Variants in DLGAP2 observed in about 807,000 individuals in gnomAD.
The protein encoded by DLGAP2 is disks large-associated protein 2.
In DLGAP2, 26 loss-of-function variants were observed where a neutral mutation model predicts 100.3. That is an observed-to-expected ratio of 0.26 (90% CI 0.19 to 0.36). The LOEUF (loss-of-function observed/expected upper bound fraction) is 0.36, where lower values mean the gene tolerates loss of function less well. DLGAP2 is among the 10% of genes least tolerant of loss of function. The pLI, the probability that DLGAP2 is intolerant of heterozygous loss-of-function variation, is 1.00. For missense variants in DLGAP2, 1,858 were observed against 1,453.2 expected, an observed-to-expected ratio of 1.28 and a Z score of -4.53; for synonymous variants, 886 against 630.1, an observed-to-expected ratio of 1.41 and a Z score of -6.08.
intron 2 of DLGAP2, among the ~76,000 whole-genome samples, chr8:1,251,913 G>A (rs530080786): frequency 5.9e-5 from 9 of 152,364 alleles, no homozygotes; most frequent in South Asian, 2.1e-4. Flanking sequence ...GTGTTATCAC[G>A]TGGGCCTGTT....
intron 3 of DLGAP2, among the ~76,000 whole-genome samples, chr8:1,375,314 A>G (rs1802364838): frequency 2.0e-5 from 1 of 50,316 alleles, no homozygotes; most frequent in Non-Finnish European, 3.4e-5. Flanking sequence ...CTCAGAACTG[A>G]GCCCCCACCT....
rs1173304553 is a variant in DLGAP2, at chr8:1,706,097, C to G, written c.*4691C>G. 1.3e-5 allele frequency: 2 copies of G among 152,182 alleles called. No individual in the cohort carries two copies. Among genetic ancestry groups the G allele is most frequent in the African/African-American group, 4.8e-5 (2 of 41,446 alleles). 9.4% of individuals were successfully genotyped at this position (152,182 alleles called of 1,614,324 possible). ...TACATTGTTGGCCATAAACAAAGTG[C>G]TAAAGGAAAGGGTTTGCTTCTACAC... On this transcript the variant is annotated 3_prime_UTR_variant, in exon 15 of 15. Coordinates refer to ENST00000637795, the MANE Select transcript of DLGAP2 (RefSeq NM_001346810.2).
chr8:1,243,958 C>T (rs932473591), intron 2 of DLGAP2, among the ~76,000 whole-genome samples: 2 of 152,184 alleles, frequency 1.3e-5, no homozygotes, highest in African/African-American at 4.8e-5. Context: ...CCTTCCAGCT[C>T]CCAGCCTCCG....
chr8:1,131,660 A>G (rs1185203734), intron 2 of DLGAP2, among the ~76,000 whole-genome samples: 1 of 150,960 alleles, frequency 6.6e-6, no homozygotes, highest in Admixed American at 6.6e-5. Flanking sequence ...GCTGTTCCAC[A>G]TTAGGTGAGA....
intron 2 of DLGAP2, among the ~76,000 whole-genome samples, chr8:1,132,319 T>G (rs929768060): frequency 6.6e-6 from 1 of 152,200 alleles, no homozygotes; most frequent in African/African-American, 2.4e-5. Context: ...AGATAAAAAC[T>G]AGACTACCTG....
chr8:1,251,273 C>T (rs1209401148), intron 2 of DLGAP2, among the ~76,000 whole-genome samples: 1 of 152,164 alleles, frequency 6.6e-6, no homozygotes, highest in Non-Finnish European at 1.5e-5. Context: ...TATCTCCTAG[C>T]ATAGTACCTG....
intron 2 of DLGAP2, among the ~76,000 whole-genome samples, chr8:1,091,846 C>A (rs1804193111): frequency 6.6e-6 from 1 of 151,978 alleles, no homozygotes; most frequent in South Asian, 2.1e-4. Flanking sequence ...CCCACACCTG[C>A]CTTCCCCCTT....
intron 2 of DLGAP2, among the ~76,000 whole-genome samples, chr8:1,114,407 T>A (rs999356963): frequency 2.6e-5 from 4 of 152,202 alleles, no homozygotes; most frequent in African/African-American, 7.2e-5. Context: ...GGAATCAGCT[T>A]CTTCCTGGTT....
chr8:920,780 G>A (rs963731116), intron 2 of DLGAP2, among the ~76,000 whole-genome samples: 5 of 152,122 alleles, frequency 3.3e-5, no homozygotes, highest in Non-Finnish European at 5.9e-5. Flanking sequence ...GCGGAACCCT[G>A]TCTCAAAAGA....
At chr8:1,592,229 C>G (rs1005355853) in intron 6 of DLGAP2, among the ~76,000 whole-genome samples, 1 of 152,206 alleles carries the variant, frequency 6.6e-6, no homozygotes, top group Non-Finnish European at 1.5e-5. Flanking sequence ...TCACATTTAC[C>G]AAGATCCTTC....
At chr8:1,231,916 A>G (rs958387557) in intron 2 of DLGAP2, among the ~76,000 whole-genome samples, 4 of 152,218 alleles carry the variant, frequency 2.6e-5, no homozygotes, top group Non-Finnish European at 5.9e-5. Flanking sequence ...CAATAGACCC[A>G]GGTAACAAAC....
chr8:1,070,961 C>T (rs1052148299), intron 2 of DLGAP2, among the ~76,000 whole-genome samples: 5 of 152,192 alleles, frequency 3.3e-5, no homozygotes, highest in African/African-American at 9.7e-5. Flanking sequence ...GCCTGTGTTC[C>T]GATGGCTGCT....
At chr8:1,575,582 T>G (rs1802934451) in intron 6 of DLGAP2, among the ~76,000 whole-genome samples, 2 of 150,094 alleles carry the variant, frequency 1.3e-5, no homozygotes, top group Non-Finnish European at 3.0e-5. Context: ...ACTCGTCATT[T>G]ACATTAGATA....
rs539978407 is a variant in DLGAP2 at position 836,361 on chromosome 8, C to T, written c.19-71551C>T. On this transcript the variant is annotated intron_variant, in intron 1 of 14. Coordinates refer to ENST00000637795, the MANE Select transcript of DLGAP2 (RefSeq NM_001346810.2). ...TCCTGGGCCCTGCCTTGCGGGCGTC[C>T]GTGGGATAGCAGGTCTTGGGGCGCT... Among the ~76,000 whole-genome samples, 30 of 152,298 alleles carry T rather than the reference C, an allele frequency of 2.0e-4. No individual in the cohort carries two copies. In the East Asian group the frequency reaches 5.2e-3, roughly 26 times the overall value.
At chr8:1,067,947 C>T (rs1020258222) in intron 2 of DLGAP2, among the ~76,000 whole-genome samples, 1 of 152,274 alleles carries the variant, frequency 6.6e-6, no homozygotes, top group Admixed American at 6.5e-5. Context: ...ATCCCCTCTG[C>T]TCCGCCCACT....
chr8:815,058 G>C (rs931206272), intron 1 of DLGAP2, among the ~76,000 whole-genome samples: 1 of 152,098 alleles, frequency 6.6e-6, no homozygotes, highest in African/African-American at 2.4e-5. Flanking sequence ...CAAAAAAGTA[G>C]ATCATTAGAA....
chr8:1,029,622 T>A (rs567218220), intron 2 of DLGAP2, among the ~76,000 whole-genome samples: 1 of 131,102 alleles, frequency 7.6e-6, no homozygotes, highest in Admixed American at 8.3e-5. Flanking sequence ...CAGGATGGCC[T>A]AGGGTGTCCA....
chr8:1,166,180 G>A (rs755659812), intron 2 of DLGAP2, among the ~76,000 whole-genome samples: 13 of 152,100 alleles, frequency 8.5e-5, no homozygotes, highest in East Asian at 3.9e-4. Context: ...GTCTTACAGC[G>A]TCTGAATTTA....
At chr8:879,221 T>C (rs1423574377) in intron 1 of DLGAP2, among the ~76,000 whole-genome samples, 1 of 152,254 alleles carries the variant, frequency 6.6e-6, no homozygotes, top group Non-Finnish European at 1.5e-5. Flanking sequence ...CAGAGGCACA[T>C]AGATAATTTC....
Sources: allele counts gnomAD v4.1 joint callset (sites outside exome capture counted in the v4.1 genomes callset), GRCh38; gene constraint gnomAD v4.1.1; transcripts MANE v1.5; gene names NCBI Gene and HGNC (gene_info 2026-07-23, HGNC 2026-07-21).